The following NEDD9 variants were observed in gnomAD, a reference collection of about 807,000 sequenced individuals.
NEDD9 encodes enhancer of filamentation 1.
NEDD9 carries 26 observed loss-of-function variants against 76.6 expected under a neutral mutation model. That is an observed-to-expected ratio of 0.34 (90% CI 0.25 to 0.47). NEDD9 has a LOEUF of 0.47. Ranked by LOEUF, NEDD9 falls within the 20% of genes least tolerant of loss-of-function variation. The pLI, the probability that NEDD9 is intolerant of heterozygous loss-of-function variation, is 1.00. For synonymous variants in NEDD9, 392 were observed against 414.2 expected (o/e 0.95, Z 0.65); for missense variants, 937 against 1,058.5 (o/e 0.89, Z 1.59).
intron 1 of NEDD9, among the ~76,000 whole-genome samples, chr6:11,365,444 TA>T (rs1446793833): frequency 6.6e-6 from 1 of 152,162 alleles, no homozygotes; most frequent in Non-Finnish European, 1.5e-5. Flanking sequence ...TACCGTGATT[TA>T]AAAACCTCAT....
chr6:11,239,102 C>T (rs756233525), intron 3 of NEDD9, among the ~76,000 whole-genome samples: 6 of 152,188 alleles, frequency 3.9e-5, no homozygotes, highest in East Asian at 1.9e-4. Context: ...AGGAGGTCAA[C>T]GCTGCAGTGT....
chr6:11,248,883 G>C (rs1759860209), intron 3 of NEDD9: 4 of 343,358 alleles, frequency 1.2e-5, no homozygotes, highest in South Asian at 9.2e-5. Context: ...AGTGTCAGCT[G>C]TCTCCTTTGC....
At chr6:11,268,681 T>C (rs1282082582) in intron 3 of NEDD9, among the ~76,000 whole-genome samples, 4 of 151,254 alleles carry the variant, frequency 2.6e-5, no homozygotes, top group South Asian at 2.1e-4. Flanking sequence ...TGAGCCGAGA[T>C]TGGGCCACTG....
chr6:11,317,311 T>A (rs1761598783), intron 2 of NEDD9, among the ~76,000 whole-genome samples: 1 of 151,748 alleles, frequency 6.6e-6, no homozygotes, highest in Admixed American at 6.6e-5. Flanking sequence ...TGCGGGCCTG[T>A]GATCCCAGCT....
upstream of NEDD9, among the ~76,000 whole-genome samples, chr6:11,236,669 C>A (rs757900740): frequency 6.6e-6 from 1 of 152,172 alleles, no homozygotes; most frequent in Non-Finnish European, 1.5e-5. The surrounding 1 kb of genome is among the most constrained non-coding windows in gnomAD (Gnocchi z 5.5). Context: ...TGAGGTCAGG[C>A]CCCTGAATCT....
intron 1 of NEDD9, among the ~76,000 whole-genome samples, chr6:11,378,063 C>T (rs762702953): frequency 6.6e-6 from 1 of 152,066 alleles, no homozygotes; most frequent in Non-Finnish European, 1.5e-5. Flanking sequence ...GCCAACATGA[C>T]AAAACTCCAT....
In NEDD9 at chr6:11,190,673, T is replaced by A; in HGVS notation, c.1196A>T (p.Asp399Val). The A allele has an allele frequency of 6.2e-7, 1 of 1,614,134 alleles. No homozygotes were observed. Among genetic ancestry groups the A allele is most frequent in the Non-Finnish European group, 8.5e-7 (1 of 1,180,018 alleles). ...GTCTGGATCCAGGAAGAGCCTTTTG[T>A]CCTGAGCTGGGGAGGCTGACAGTGA... ...ESSLSASPAQDKRLFLDPDTA... is the reference protein window; with the variant it reads ...ESSLSASPAQVKRLFLDPDTA... The change falls in exon 5 of 7, where the codon GAC becomes GTC. Residue 399 changes from aspartate to valine, a missense_variant. By Grantham distance (152) the Asp-to-Val change is radical. Transcript: ENST00000379446. This position sits in a 1 kb window ranked among gnomAD's most constrained non-coding sequence, Gnocchi z 5.8.
At chr6:11,330,575 G>A (rs562837872) in intron 2 of NEDD9, among the ~76,000 whole-genome samples, 1 of 152,244 alleles carries the variant, frequency 6.6e-6, no homozygotes, top group Non-Finnish European at 1.5e-5. Flanking sequence ...CAATCACTCA[G>A]CATTCTCATC....
intron 3 of NEDD9, among the ~76,000 whole-genome samples, chr6:11,239,871 C>T (rs545055584): frequency 6.6e-6 from 1 of 151,806 alleles, no homozygotes; most frequent in African/African-American, 2.4e-5. Flanking sequence ...TGGTGAAACC[C>T]CATCTCTACT....
chr6:11,298,248 C>T (rs1316032285), intron 3 of NEDD9, among the ~76,000 whole-genome samples: 1 of 151,986 alleles, frequency 6.6e-6, no homozygotes, highest in Admixed American at 6.6e-5. Flanking sequence ...TGAAAAAGAG[C>T]AGTAGGAATA....
chr6:11,219,153 C>T lies in NEDD9; in HGVS notation c.13-5426G>A, dbSNP rs114972155. On this transcript the variant is annotated intron_variant, in intron 1 of 6. Coordinates refer to ENST00000379446, the MANE Select transcript of NEDD9 (RefSeq NM_006403.4). ...AACGCTGGTACAGAGAGCTCTAGGA[C>T]ACATGACGGCTTCTACCCCTCACCC... 4.9e-3 allele frequency among the ~76,000 whole-genome samples: 746 copies of T among 152,276 alleles called. 7 individuals carry two copies. The highest frequency in any genetic ancestry group is 0.017 in the African/African-American group (714 of 41,564).
At chr6:11,296,640 T>C (rs1011781458) in intron 3 of NEDD9, among the ~76,000 whole-genome samples, 4 of 134,892 alleles carry the variant, frequency 3.0e-5, no homozygotes, top group African/African-American at 8.7e-5. Flanking sequence ...CTTCCTTCCT[T>C]CCTTTCCTTC....
chr6:11,196,416 G>T (rs1314051670), intron 2 of NEDD9, among the ~76,000 whole-genome samples: 1 of 152,174 alleles, frequency 6.6e-6, no homozygotes, highest in Non-Finnish European at 1.5e-5. Context: ...CACATAGCAC[G>T]ACCTCAGAAA....
At chr6:11,233,802 C>T (rs9380152), upstream of NEDD9, among the ~76,000 whole-genome samples, 25,390 of 152,114 alleles carry the variant, frequency 0.17, 2,211 homozygotes, top group East Asian at 0.22. Context: ...GACTGAGACT[C>T]GGTGAATCCA....
chr6:11,365,755 C>T (rs1486636902), intron 1 of NEDD9, among the ~76,000 whole-genome samples: 2 of 152,182 alleles, frequency 1.3e-5, no homozygotes, highest in South Asian at 2.1e-4. Context: ...TTTGGGAGGC[C>T]GAGGTGGGCG....
intron 2 of NEDD9, among the ~76,000 whole-genome samples, chr6:11,310,276 C>T (rs544211060): frequency 6.6e-6 from 1 of 152,318 alleles, no homozygotes; most frequent in South Asian, 2.1e-4. Flanking sequence ...CAGGCCTCTT[C>T]AGCAGAAATA....
At chr6:11,240,963 C>G (rs924703637) in intron 3 of NEDD9, among the ~76,000 whole-genome samples, 2 of 152,206 alleles carry the variant, frequency 1.3e-5, no homozygotes, top group Admixed American at 1.3e-4. Context: ...CTGGCAAAGC[C>G]TCTCTCTCCT....
intron 1 of NEDD9, among the ~76,000 whole-genome samples, chr6:11,344,204 GT>G (rs1302426565): frequency 5.3e-5 from 8 of 152,164 alleles, no homozygotes; most frequent in African/African-American, 1.9e-4. Flanking sequence ...ATAAGAATAT[GT>G]GATAGACATA....
At chr6:11,226,426 T>C (rs975437303) in intron 1 of NEDD9, among the ~76,000 whole-genome samples, 1 of 152,242 alleles carries the variant, frequency 6.6e-6, no homozygotes, top group African/African-American at 2.4e-5. Flanking sequence ...TCAGCCTATA[T>C]GTTCTTGCAG....
Sources: gnomAD v4.1 joint callset for allele counts (sites outside exome capture counted in the v4.1 genomes callset) on GRCh38, gnomAD v4.1.1 for gene constraint, Gnocchi (gnomAD v3.1) non-coding constraint, MANE v1.5 for transcripts, NCBI Gene and HGNC (gene_info 2026-07-23, HGNC 2026-07-21) for gene names.